The following CENPP variants were observed in gnomAD, a reference collection of about 807,000 sequenced individuals.
CENPP encodes the protein centromere protein P.
A neutral mutation model predicts 35.6 loss-of-function variants in CENPP; 24 were observed. That is an observed-to-expected ratio of 0.67 (90% CI 0.49 to 0.95). CENPP has a LOEUF of 0.95. Among genes scored for constraint, CENPP ranks in the 40% least tolerant of loss-of-function variants. The pLI, the probability that CENPP is intolerant of heterozygous loss-of-function variation, is 0.00. For missense variants in CENPP, 332 were observed against 345.3 expected, an observed-to-expected ratio of 0.96 and a Z score of 0.31; for synonymous variants, 120 against 125.5, an observed-to-expected ratio of 0.96 and a Z score of 0.29.
At chr9:92,567,393 T>TATATAGATAG (rs1554688302) in intron 5 of CENPP, among the ~76,000 whole-genome samples, 2 of 124,924 alleles carry the variant, frequency 1.6e-5, no homozygotes, top group South Asian at 2.3e-4. Context: ...TATATATATA[T>TATATAGATAG]ATAGATATAT....
At position 92,613,932 on chromosome 9, in the gene CENPP, G is replaced by A. The variant is rs1851350894; in HGVS notation, c.*783G>A. On this transcript the variant is annotated 3_prime_UTR_variant, in exon 8 of 8. Transcript: ENST00000375587. ...GTCTCAAACCAGTCAGGGCCGTCATGACTACGCAGCAGCAGCAGTTTCCAA... is the reference window on the plus strand; with the variant it reads ...GTCTCAAACCAGTCAGGGCCGTCATAACTACGCAGCAGCAGCAGTTTCCAA... The A allele has an allele frequency of 6.6e-6, 1 of 152,234 alleles. No homozygotes were observed. The highest frequency in any genetic ancestry group is 6.5e-5 in the Admixed American group (1 of 15,286). 9.4% of individuals were successfully genotyped at this position (152,234 alleles called of 1,614,324 possible).
intron 5 of CENPP, chr9:92,474,767 TC>T (rs760328846): frequency 5.6e-6 from 9 of 1,613,264 alleles, no homozygotes; most frequent in Non-Finnish European, 7.6e-6. Flanking sequence ...ATCATCATCA[TC>T]ATCATCATCA....
In CENPP at chr9:92,615,826, A is replaced by G. The variant is rs779765078; in HGVS notation, c.*2677A>G. The G allele has an allele frequency of 5.0e-6, 8 of 1,599,416 alleles. No homozygotes were observed. The Admixed American group carries it at 1.0e-4, about 20-fold the overall frequency. On this transcript the variant is annotated 3_prime_UTR_variant, in exon 8 of 8. Coordinates refer to ENST00000375587, the MANE Select transcript of CENPP (RefSeq NM_001012267.3). ...TTCAAGTTTCAAAGACACTGCAGGG[A>G]AAGAGTTAGACCTTGTGGAGAACTA...
At chr9:92,546,954 T>C (rs1849474808) in intron 5 of CENPP, among the ~76,000 whole-genome samples, 1 of 152,180 alleles carries the variant, frequency 6.6e-6, no homozygotes, top group Non-Finnish European at 1.5e-5. Context: ...CCAGCATAAC[T>C]ATATTACAAA....
At chr9:92,357,398 C>T (rs1841617310) in intron 4 of CENPP, among the ~76,000 whole-genome samples, 2 of 151,226 alleles carry the variant, frequency 1.3e-5, no homozygotes, top group South Asian at 4.2e-4. Flanking sequence ...ATTTCTCCTG[C>T]ACTTTTTTTA....
chr9:92,393,066 C>A, intron 5 of CENPP: 1 of 1,602,558 alleles, frequency 6.2e-7, no homozygotes, highest in South Asian at 1.1e-5. Context: ...ATACTAATAT[C>A]ATATTTCAGC....
At chr9:92,472,596 T>C (rs1184561662) in intron 5 of CENPP, among the ~76,000 whole-genome samples, 2 of 151,872 alleles carry the variant, frequency 1.3e-5, no homozygotes, top group Non-Finnish European at 2.9e-5. Flanking sequence ...AGACGGAAGT[T>C]GCAGTGAGCC....
intron 5 of CENPP, chr9:92,389,630 G>A (rs528538618): frequency 1.1e-5 from 4 of 370,224 alleles, no homozygotes; most frequent in Admixed American, 4.4e-5. Context: ...AAACAAAATA[G>A]TCCCATGAAA....
intron 5 of CENPP, among the ~76,000 whole-genome samples, chr9:92,483,252 G>A (rs1017822587): frequency 2.0e-5 from 3 of 147,828 alleles, no homozygotes; most frequent in Non-Finnish European, 3.0e-5. Flanking sequence ...TTTTTGAGAC[G>A]GAGTCTCACT....
intron 5 of CENPP, among the ~76,000 whole-genome samples, chr9:92,477,145 C>CTG (rs1453459697): frequency 6.6e-6 from 1 of 152,152 alleles, no homozygotes; most frequent in East Asian, 1.9e-4. Context: ...GACTACTGTT[C>CTG]TGTAGCAGGC....
intron 5 of CENPP, among the ~76,000 whole-genome samples, chr9:92,533,751 A>G (rs1382615585): frequency 6.6e-6 from 1 of 152,134 alleles, no homozygotes; most frequent in Non-Finnish European, 1.5e-5. Context: ...TGAAAATGTC[A>G]TTGTTTAATT....
intron 5 of CENPP, among the ~76,000 whole-genome samples, chr9:92,573,173 G>T (rs1018394850): frequency 6.6e-6 from 1 of 152,154 alleles, no homozygotes; most frequent in East Asian, 1.9e-4. Context: ...GAGAAGAGGC[G>T]TTCTGATTTT....
intron 5 of CENPP, among the ~76,000 whole-genome samples, chr9:92,464,298 C>T (rs1437963795): frequency 1.3e-5 from 2 of 152,164 alleles, no homozygotes; most frequent in African/African-American, 4.8e-5. Context: ...AGGTGCTAGC[C>T]TTGGGTCACA....
At chr9:92,417,722 A>T (rs964876194) in intron 5 of CENPP, 13 of 514,902 alleles carry the variant, frequency 2.5e-5, no homozygotes, top group African/African-American at 2.2e-4. Context: ...TCAAACCAAA[A>T]TTTTTTTCTT....
chr9:92,613,478 G>C lies in CENPP; in HGVS notation c.*329G>C, dbSNP rs1218982906. On this transcript the variant is annotated 3_prime_UTR_variant, in exon 8 of 8. Transcript: ENST00000375587. ...TGCAGCCTCACACCGAGTCCACCTT[G>C]GACATGGTGGCCACATTACTCAGCT... 1 of 286,896 alleles carries C rather than the reference G, an allele frequency of 3.5e-6. No individual in the cohort carries two copies. The highest frequency in any genetic ancestry group is 2.2e-5 in the African/African-American group (1 of 45,816). 17.8% of individuals were successfully genotyped at this position (286,896 alleles called of 1,614,324 possible).
intron 6 of CENPP, among the ~76,000 whole-genome samples, chr9:92,612,249 C>T (rs997417871): frequency 6.6e-6 from 1 of 152,234 alleles, no homozygotes; most frequent in Non-Finnish European, 1.5e-5. Flanking sequence ...TCTGCTCCCA[C>T]CAGTAATTTT....
At chr9:92,520,470 G>T (rs917101457) in intron 5 of CENPP, among the ~76,000 whole-genome samples, 1 of 152,132 alleles carries the variant, frequency 6.6e-6, no homozygotes, top group Non-Finnish European at 1.5e-5. Flanking sequence ...ACAATTGTTG[G>T]CAGGAATGTA....
At chr9:92,326,793 TATC>T (rs1226924419) in intron 1 of CENPP, among the ~76,000 whole-genome samples, 5 of 152,204 alleles carry the variant, frequency 3.3e-5, no homozygotes, top group African/African-American at 1.2e-4. Flanking sequence ...AATTATGTAT[TATC>T]ATCTCAAACA....
chr9:92,569,881 TG>T (rs1850090633), intron 5 of CENPP, among the ~76,000 whole-genome samples: 1 of 152,170 alleles, frequency 6.6e-6, no homozygotes, highest in East Asian at 1.9e-4. Flanking sequence ...GCTCTCTGTT[TG>T]TCTGTTATTG....
Sources: gnomAD v4.1 joint callset for allele counts (sites outside exome capture counted in the v4.1 genomes callset) on GRCh38, gnomAD v4.1.1 for gene constraint, MANE v1.5 for transcripts, NCBI Gene and HGNC (gene_info 2026-07-23, HGNC 2026-07-21) for gene names.